NFIL3: variants seen among roughly 807,000 people sequenced by gnomAD.
NFIL3 encodes nuclear factor, interleukin 3 regulated.
In NFIL3, 5 loss-of-function variants were observed where a neutral mutation model predicts 10.0. The observed-to-expected ratio is 0.50, with a 90% CI of 0.26 to 1.06. NFIL3 has a LOEUF of 1.06. Among genes scored for constraint, NFIL3 ranks in the 50% least tolerant of loss-of-function variants. NFIL3 has a pLI of 0.13. For missense variants in NFIL3, 436 were observed against 547.6 expected, an observed-to-expected ratio of 0.80 and a Z score of 2.03; for synonymous variants, 202 against 206.5, an observed-to-expected ratio of 0.98 and a Z score of 0.19.
At chr9:91,476,471 G>A in the NFIL3 span, among the ~76,000 whole-genome samples, 4 of 152,060 alleles carry the variant, frequency 2.6e-5, no homozygotes, top group African/African-American at 9.7e-5. Context: ...TATTCTGGAG[G>A]CTGAGACAGG....
the NFIL3 span, among the ~76,000 whole-genome samples, chr9:91,443,147 C>T: frequency 6.6e-6 from 1 of 152,168 alleles, no homozygotes; most frequent in Non-Finnish European, 1.5e-5. Context: ...TTTCCATAGG[C>T]AGGTCATCCT....
At chr9:91,454,027 G>A in the NFIL3 span, among the ~76,000 whole-genome samples, 1 of 151,768 alleles carries the variant, frequency 6.6e-6, no homozygotes, top group African/African-American at 2.4e-5. Context: ...GAGGTCAGGA[G>A]TTTGAGACCA....
chr9:91,440,341 G>A, the NFIL3 span, among the ~76,000 whole-genome samples: 6 of 151,792 alleles, frequency 4.0e-5, no homozygotes, highest in Admixed American at 3.3e-4. Context: ...AATTTTTGAG[G>A]CATCCGTGTA....
chr9:91,473,563 A>G, the NFIL3 span, among the ~76,000 whole-genome samples: 2 of 152,230 alleles, frequency 1.3e-5, no homozygotes, highest in Non-Finnish European at 2.9e-5. Context: ...GACAGTTGGA[A>G]AAGCACACTA....
the NFIL3 span, among the ~76,000 whole-genome samples, chr9:91,433,869 G>A: frequency 1.3e-5 from 2 of 151,652 alleles, no homozygotes; most frequent in African/African-American, 4.8e-5. Flanking sequence ...AAATATACTT[G>A]GGAAAAGTGT....
the NFIL3 span, among the ~76,000 whole-genome samples, chr9:91,455,266 C>T: frequency 6.6e-6 from 1 of 152,152 alleles, no homozygotes; most frequent in Non-Finnish European, 1.5e-5. Context: ...AGCACCCATC[C>T]ATGGATCTTT....
Position 91,409,795 on chromosome 9 carries a change from T to G in NFIL3, c.940A>C (p.Lys314Gln). The change falls in exon 2 of 2, where the codon AAA (lysine) becomes CAA (glutamine). Residue 314 changes from lysine (K) to glutamine (Q), a missense_variant. This residue lies in a region of NFIL3 where 338 missense variants were observed against 399.9 expected (regional missense o/e 0.85). Coordinates refer to ENST00000297689, the MANE Select transcript of NFIL3 (RefSeq NM_005384.3). Reference protein sequence around the residue: ...ELKHVHATVVKVPEVNSSALP... With the variant: ...ELKHVHATVVQVPEVNSSALP... The stretch of plus-strand genomic sequence containing the variant: ...GCAGAGGAATTCACTTCTGGAACTT[T>G]AACCACAGTTGCATGCACATGCTTG... 2 of 1,614,214 alleles carry G rather than the reference T, an allele frequency of 1.2e-6. No homozygotes were observed. Among genetic ancestry groups the G allele is most frequent in the East Asian group, 4.5e-5 (2 of 44,886 alleles).
At chr9:91,435,537 C>T in the NFIL3 span, among the ~76,000 whole-genome samples, 1 of 152,090 alleles carries the variant, frequency 6.6e-6, no homozygotes, top group Admixed American at 6.6e-5. Flanking sequence ...GAAGCCTGAC[C>T]GAGTCCACCT....
chr9:91,445,398 G>A, the NFIL3 span, among the ~76,000 whole-genome samples: 2 of 152,196 alleles, frequency 1.3e-5, no homozygotes, highest in Non-Finnish European at 1.5e-5. Context: ...CTGAGGACCG[G>A]GGAGTAGACA....
At chr9:91,421,461 G>T (rs1011614254) in intron 1 of NFIL3, among the ~76,000 whole-genome samples, 1 of 152,170 alleles carries the variant, frequency 6.6e-6, no homozygotes, top group Non-Finnish European at 1.5e-5. Flanking sequence ...AGGGGGCAGG[G>T]AGGAGCTCAG....
intron 1 of NFIL3, among the ~76,000 whole-genome samples, chr9:91,413,723 G>A (rs536229651): frequency 6.6e-6 from 1 of 152,278 alleles, no homozygotes; most frequent in African/African-American, 2.4e-5. Flanking sequence ...AGATATCCCA[G>A]TTAAAGAAGA....
At chr9:91,425,280 A>T (rs1285732996), upstream of NFIL3, among the ~76,000 whole-genome samples, 1 of 152,254 alleles carries the variant, frequency 6.6e-6, no homozygotes, top group African/African-American at 2.4e-5. Context: ...TGCCATGAGC[A>T]GCAGATCTAT....
At chr9:91,440,164 G>A in the NFIL3 span, among the ~76,000 whole-genome samples, 3 of 151,984 alleles carry the variant, frequency 2.0e-5, no homozygotes, top group Admixed American at 6.5e-5. Flanking sequence ...ATTTGGGGGA[G>A]GGTTTTGATT....
At chr9:91,427,727 C>T (rs1043500150), upstream of NFIL3, among the ~76,000 whole-genome samples, 3 of 151,938 alleles carry the variant, frequency 2.0e-5, no homozygotes, top group Admixed American at 6.6e-5. Flanking sequence ...GCAGCCTTGA[C>T]CCCCCCAGGC....
chr9:91,423,546 C>A (rs1833813055), intron 1 of NFIL3, 94 bp downstream of exon 1: 1 of 149,988 alleles, frequency 6.7e-6, no homozygotes, highest in Non-Finnish European at 1.5e-5. Context: ...ACCCCGCACA[C>A]AGCGCGGCCC....
chr9:91,470,895 T>C, the NFIL3 span, among the ~76,000 whole-genome samples: 1 of 152,216 alleles, frequency 6.6e-6, no homozygotes, highest in Admixed American at 6.5e-5. Context: ...AAGTTTGTTG[T>C]GATTTCTGTT....
the NFIL3 span, among the ~76,000 whole-genome samples, chr9:91,471,663 C>G: frequency 6.6e-6 from 1 of 152,072 alleles, no homozygotes; most frequent in Non-Finnish European, 1.5e-5. Flanking sequence ...TCCCTCCCCC[C>G]AAGTCTGTGT....
the NFIL3 span, among the ~76,000 whole-genome samples, chr9:91,482,872 G>T: frequency 1.3e-5 from 2 of 152,288 alleles, no homozygotes; most frequent in East Asian, 3.9e-4. Context: ...TTCTGCACAT[G>T]TATATAGGTA....
chr9:91,418,731 G>A (rs549379892), intron 1 of NFIL3, among the ~76,000 whole-genome samples: 19 of 152,234 alleles, frequency 1.2e-4, no homozygotes, highest in South Asian at 8.3e-4. Flanking sequence ...TGAGTCCTAT[G>A]AAACTGAGTC....
Sources: allele counts gnomAD v4.1 joint callset (sites outside exome capture counted in the v4.1 genomes callset), GRCh38; gene constraint gnomAD v4.1.1; regional missense constraint gnomAD v4.1.1; transcripts MANE v1.5; gene names NCBI Gene and HGNC (gene_info 2026-07-23, HGNC 2026-07-21).